MAN1A2: variants seen among roughly 807,000 people sequenced by gnomAD.
The protein encoded by MAN1A2 is mannosidase alpha class 1A member 2.
Under a neutral mutation model 75.7 loss-of-function variants are expected in MAN1A2, and 26 were observed. The ratio of observed to expected loss-of-function variants is 0.34; its 90% confidence interval spans 0.25 to 0.48. The LOEUF (loss-of-function observed/expected upper bound fraction) is 0.48. Ranked by LOEUF, MAN1A2 falls within the 20% of genes least tolerant of loss-of-function variation. The probability of loss-of-function intolerance (pLI) is 0.99; values close to 1 mark genes in which losing one functional copy is unlikely to be tolerated. For missense variants in MAN1A2, 562 were observed against 775.5 expected (o/e 0.72, Z 3.27); for synonymous variants, 247 against 264.6 (o/e 0.93, Z 0.65).
chr1:117,486,769 T>C (rs968215836), intron 8 of MAN1A2, among the ~76,000 whole-genome samples: 1 of 151,936 alleles, frequency 6.6e-6, no homozygotes, highest in African/African-American at 2.4e-5. Flanking sequence ...TCAGAGGAGA[T>C]AACTGAGAAA....
chr1:117,458,334 A>G (rs1315021870), intron 6 of MAN1A2, among the ~76,000 whole-genome samples: 2 of 151,600 alleles, frequency 1.3e-5, no homozygotes, highest in African/African-American at 2.4e-5. Context: ...TTTGCCTTCC[A>G]TATTTTCAGA....
Position 117,389,089 on chromosome 1 carries a change from A to G in MAN1A2, c.303-13097A>G, listed in dbSNP as rs183779274. 2.0e-3 allele frequency among the ~76,000 whole-genome samples: 302 copies of G among 152,362 alleles called. 1 individual carries two copies. Among genetic ancestry groups the G allele is most frequent in the African/African-American group, 6.9e-3 (288 of 41,576 alleles). On this transcript the variant is annotated intron_variant, in intron 1 of 12. Transcript: ENST00000356554. Reference sequence around the variant, plus strand: ...TTATCCTTTATACTTCAAAATGTCAATGAGAATGACTACTTAAAATACCAA... The same window carrying G: ...TTATCCTTTATACTTCAAAATGTCAGTGAGAATGACTACTTAAAATACCAA...
At chr1:117,391,478 T>C (rs575742016) in intron 1 of MAN1A2, among the ~76,000 whole-genome samples, 1 of 152,346 alleles carries the variant, frequency 6.6e-6, no homozygotes, top group African/African-American at 2.4e-5. Context: ...ATTAGGTGTG[T>C]GACGTTTATC....
chr1:117,515,697 T>A (rs41276586), intron 12 of MAN1A2: 3 of 152,642 alleles, frequency 2.0e-5, no homozygotes, highest in Non-Finnish European at 4.4e-5. Flanking sequence ...GAGGACATTA[T>A]GCTAAGTGAA....
intron 8 of MAN1A2, among the ~76,000 whole-genome samples, chr1:117,486,911 A>G (rs951929481): frequency 2.0e-4 from 30 of 152,062 alleles, no homozygotes; most frequent in Non-Finnish European, 8.8e-5. Context: ...TAAAAAAAAG[A>G]CTATACCTAA....
At chr1:117,380,552 T>A (rs1440924665) in intron 1 of MAN1A2, among the ~76,000 whole-genome samples, 1 of 152,116 alleles carries the variant, frequency 6.6e-6, no homozygotes, top group Non-Finnish European at 1.5e-5. Flanking sequence ...GTGTATGGAG[T>A]GAGATAGAGG....
chr1:117,446,205 C>T (rs1649231457), intron 6 of MAN1A2, among the ~76,000 whole-genome samples: 1 of 151,332 alleles, frequency 6.6e-6, no homozygotes, highest in Admixed American at 6.6e-5. Flanking sequence ...AGGCATTTGT[C>T]AATTTTGTTA....
At position 117,411,953 on chromosome 1, in the gene MAN1A2, A is replaced by T. The variant is rs576766458; in HGVS notation, c.656-2760A>T. Among the ~76,000 whole-genome samples, 5 of 151,788 alleles carry T rather than the reference A, an allele frequency of 3.3e-5. No homozygotes were observed. In the East Asian group the frequency reaches 9.7e-4, roughly 29 times the overall value. On this transcript the variant is annotated intron_variant, in intron 3 of 12. Coordinates refer to ENST00000356554, the MANE Select transcript of MAN1A2 (RefSeq NM_006699.5). ...TATAGCCTAGCAATTCCACTCCTAAATATTTCCTTGTTGCTCACAAATGAG... is the reference window on the plus strand; with the variant it reads ...TATAGCCTAGCAATTCCACTCCTAATTATTTCCTTGTTGCTCACAAATGAG...
chr1:117,376,872 C>T (rs768285900), intron 1 of MAN1A2, among the ~76,000 whole-genome samples: 9 of 152,170 alleles, frequency 5.9e-5, no homozygotes, highest in African/African-American at 2.2e-4. Context: ...ATTTACATTG[C>T]ATTTACATTA....
chr1:117,432,070 A>G (rs1273293158), intron 5 of MAN1A2, among the ~76,000 whole-genome samples: 2 of 152,266 alleles, frequency 1.3e-5, no homozygotes, highest in African/African-American at 4.8e-5. Flanking sequence ...AAATAAATAG[A>G]CATCAAGTAA....
In MAN1A2 at chr1:117,402,406, A is replaced by C. The variant is rs1229899644; in HGVS notation, c.523A>C (p.Asn175His). 1.9e-6 allele frequency: 3 copies of C among 1,609,768 alleles called. 1 individual carries two copies. The highest frequency in any genetic ancestry group is 1.3e-5 in the African/African-American group (1 of 74,600). Reference sequence around the variant, plus strand: ...AATACGTGGTGGAGACCCAGAAGATAATGACATAAGAGAGAAAAGGGAAAA... The same window carrying C: ...AATACGTGGTGGAGACCCAGAAGATCATGACATAAGAGAGAAAAGGGAAAA... ...VGIRGGDPED[N>H]DIREKREKIK... The change falls in exon 2 of 13, where the codon AAT (asparagine) becomes CAT (histidine). Residue 175 changes from asparagine (N) to histidine (H), a missense_variant. This residue lies in a region of MAN1A2 where 434 missense variants were observed against 645.7 expected (regional missense o/e 0.67). Coordinates refer to ENST00000356554, the MANE Select transcript of MAN1A2 (RefSeq NM_006699.5).
intron 12 of MAN1A2, among the ~76,000 whole-genome samples, chr1:117,520,496 A>G (rs1289724395): frequency 6.6e-6 from 1 of 152,112 alleles, no homozygotes; most frequent in Non-Finnish European, 1.5e-5. Flanking sequence ...TAATGTACAC[A>G]AATCAATAGC....
At chr1:117,497,410 G>A (rs1651064854) in intron 10 of MAN1A2, among the ~76,000 whole-genome samples, 1 of 151,844 alleles carries the variant, frequency 6.6e-6, no homozygotes, top group Non-Finnish European at 1.5e-5. Flanking sequence ...TATCTTTATT[G>A]GTATCTGGCT....
At chr1:117,391,170 T>C (rs1653706498) in intron 1 of MAN1A2, among the ~76,000 whole-genome samples, 1 of 152,172 alleles carries the variant, frequency 6.6e-6, no homozygotes, top group Non-Finnish European at 1.5e-5. Flanking sequence ...ACATACTTTA[T>C]ATGGTCTGAA....
At chr1:117,396,151 C>T (rs1370382810) in intron 1 of MAN1A2, among the ~76,000 whole-genome samples, 1 of 152,210 alleles carries the variant, frequency 6.6e-6, no homozygotes, top group Non-Finnish European at 1.5e-5. Flanking sequence ...TCCCAATGGA[C>T]TGATACTGTG....
intron 12 of MAN1A2, among the ~76,000 whole-genome samples, chr1:117,503,399 G>A (rs886702617): frequency 2.6e-5 from 4 of 151,456 alleles, no homozygotes; most frequent in African/African-American, 9.7e-5. Context: ...TGTTAGGAAT[G>A]ATCATGCAGT....
chr1:117,474,664 TTTTG>T (rs1650261817), intron 8 of MAN1A2, among the ~76,000 whole-genome samples: 1 of 151,996 alleles, frequency 6.6e-6, no homozygotes, highest in Non-Finnish European at 1.5e-5. Flanking sequence ...TATTCTTTGG[TTTTG>T]TTTATTTTTG....
chr1:117,475,539 G>A (rs534445780), intron 8 of MAN1A2, among the ~76,000 whole-genome samples: 17 of 151,822 alleles, frequency 1.1e-4, no homozygotes, highest in African/African-American at 3.4e-4. Flanking sequence ...GACAGGCCCC[G>A]GTGTGTGATG....
intron 8 of MAN1A2, among the ~76,000 whole-genome samples, chr1:117,471,160 T>A (rs866893640): frequency 6.6e-6 from 1 of 151,846 alleles, no homozygotes; most frequent in African/African-American, 2.4e-5. Flanking sequence ...AAATTTATAA[T>A]TGTGGAAAAA....
Sources: allele counts gnomAD v4.1 joint callset (sites outside exome capture counted in the v4.1 genomes callset), GRCh38; gene constraint gnomAD v4.1.1; regional missense constraint gnomAD v4.1.1; transcripts MANE v1.5; gene names NCBI Gene and HGNC (gene_info 2026-07-23, HGNC 2026-07-21).